The following SINHCAF variants were observed in gnomAD, a reference collection of about 807,000 sequenced individuals.
The protein encoded by SINHCAF is SIN3-HDAC complex-associated factor.
In SINHCAF, 3 loss-of-function variants were observed where a neutral mutation model predicts 25.8. The observed-to-expected ratio is 0.12, with a 90% CI of 0.05 to 0.30. SINHCAF has a LOEUF of 0.30. Ranked by LOEUF, SINHCAF falls within the 10% of genes least tolerant of loss-of-function variation. SINHCAF has a pLI of 1.00. For synonymous variants in SINHCAF, 70 were observed against 85.5 expected (o/e 0.82, Z 1.00); for missense variants, 121 against 262.3 (o/e 0.46, Z 3.72).
chr12:31,295,935 C>G (rs78243750), intron 2 of SINHCAF, among the ~76,000 whole-genome samples: 19 of 151,696 alleles, frequency 1.3e-4, no homozygotes, highest in African/African-American at 4.6e-4. Flanking sequence ...AATCCCAGCA[C>G]ATCGGAAGAC....
chr12:31,307,876 T>TC (rs1299438766), intron 1 of SINHCAF, among the ~76,000 whole-genome samples: 1 of 152,112 alleles, frequency 6.6e-6, no homozygotes, highest in Non-Finnish European at 1.5e-5. Context: ...CCAAATGTGT[T>TC]CCCCCCATCT....
intron 1 of SINHCAF, among the ~76,000 whole-genome samples, chr12:31,309,466 T>A (rs1400474235): frequency 6.6e-6 from 1 of 152,224 alleles, no homozygotes; most frequent in African/African-American, 2.4e-5. Context: ...GCTGAGAGTA[T>A]CTTTCCTATG....
At chr12:31,301,745 T>TA (rs1323480785) in intron 1 of SINHCAF, among the ~76,000 whole-genome samples, 2 of 149,996 alleles carry the variant, frequency 1.3e-5, no homozygotes, top group Admixed American at 6.6e-5. Flanking sequence ...ATGAAATGTT[T>TA]AAAAAAACAA....
chr12:31,325,039 G>A lies in SINHCAF; in HGVS notation c.-21+985C>T, dbSNP rs1249200855. ...GGACCAGGGTCGCAGCCCGAAGCACGTGGTCTGTCACGTAGAGCACAAAAA... is the reference window on the plus strand; with the variant it reads ...GGACCAGGGTCGCAGCCCGAAGCACATGGTCTGTCACGTAGAGCACAAAAA... On this transcript the variant is annotated intron_variant, in intron 1 of 5. Coordinates refer to ENST00000337682, the MANE Select transcript of SINHCAF (RefSeq NM_001135812.2). This position sits in a 1 kb window ranked among gnomAD's most constrained non-coding sequence, Gnocchi z 5.9. 6.6e-6 allele frequency: 3 copies of A among 456,702 alleles called. No homozygotes were observed. The highest frequency in any genetic ancestry group is 2.0e-5 in the African/African-American group (1 of 50,098). 28.3% of individuals were successfully genotyped at this position (456,702 alleles called of 1,614,324 possible).
intron 1 of SINHCAF, among the ~76,000 whole-genome samples, chr12:31,322,943 G>T (rs1939756219): frequency 6.6e-6 from 1 of 152,146 alleles, no homozygotes; most frequent in Non-Finnish European, 1.5e-5. Flanking sequence ...TACAAAAAAA[G>T]AAAAGGTTAG....
intron 5 of SINHCAF, among the ~76,000 whole-genome samples, chr12:31,284,553 A>G (rs1367701324): frequency 6.6e-6 from 1 of 152,172 alleles, no homozygotes; most frequent in African/African-American, 2.4e-5. Context: ...TCATAAAAAA[A>G]TCCTTTCCCA....
At position 31,325,408 on chromosome 12, in the gene SINHCAF, C is replaced by G; in HGVS notation, c.-21+616G>C. 2.8e-6 allele frequency: 1 copy of G among 357,936 alleles called. No individual in the cohort carries two copies. The highest frequency in any genetic ancestry group is 5.6e-6 in the Non-Finnish European group (1 of 179,650). 22.2% of individuals were successfully genotyped at this position (357,936 alleles called of 1,614,324 possible). A position where few individuals can be genotyped will look rare whatever the true frequency, so the allele number is the denominator to read the frequency against. Reference sequence around the variant, plus strand: ...CCACGCCGCGTGCGCTCCGGCAGAGCCCAGCACTGACCCCCAAAGGCCGAT... The same window carrying G: ...CCACGCCGCGTGCGCTCCGGCAGAGGCCAGCACTGACCCCCAAAGGCCGAT... On this transcript the variant is annotated intron_variant, in intron 1 of 5. Coordinates refer to ENST00000337682, the MANE Select transcript of SINHCAF (RefSeq NM_001135812.2). This position sits in a 1 kb window ranked among gnomAD's most constrained non-coding sequence, Gnocchi z 5.9.
chr12:31,298,458 C>T (rs1328181555), intron 1 of SINHCAF: 3 of 441,292 alleles, frequency 6.8e-6, no homozygotes, highest in Non-Finnish European at 1.2e-5. Flanking sequence ...TACCTCCTAA[C>T]TCGCCTAACA....
At chr12:31,315,908 A>G (rs4931480) in intron 1 of SINHCAF, among the ~76,000 whole-genome samples, 34,396 of 152,136 alleles carry the variant, frequency 0.23, 4,031 homozygotes, top group East Asian at 0.27. Context: ...GCTCAAGCCT[A>G]TAATCCCAGC....
At chr12:31,304,866 T>G (rs140882510) in intron 1 of SINHCAF, 9 of 152,354 alleles carry the variant, frequency 5.9e-5, no homozygotes, top group African/African-American at 2.2e-4. Context: ...GTGGCCATCA[T>G]GTGTACAGAA....
At chr12:31,284,618 T>C (rs1937956260) in intron 5 of SINHCAF, among the ~76,000 whole-genome samples, 1 of 152,212 alleles carries the variant, frequency 6.6e-6, no homozygotes, top group African/African-American at 2.4e-5. Flanking sequence ...GGTGTTTGTC[T>C]ATGGTGTGAG....
chr12:31,315,942 G>A (rs1939478910), intron 1 of SINHCAF, among the ~76,000 whole-genome samples: 2 of 152,140 alleles, frequency 1.3e-5, no homozygotes, highest in South Asian at 4.1e-4. Flanking sequence ...AAGGTGGGTG[G>A]ATCACCTGAG....
rs1592999009 is a variant in SINHCAF at position 31,324,719 on chromosome 12, G to A, written c.-21+1305C>T. The A allele has an allele frequency of 5.8e-6, 2 of 347,176 alleles. No homozygotes were observed. Among genetic ancestry groups the A allele is most frequent in the East Asian group, 1.6e-4 (2 of 12,738 alleles). 21.5% of individuals were successfully genotyped at this position (347,176 alleles called of 1,614,324 possible). On this transcript the variant is annotated intron_variant, in intron 1 of 5. Transcript: ENST00000337682. The surrounding 1 kb of genome is among the most constrained non-coding windows in gnomAD (Gnocchi z 5.5). ...AGGGATGTCGGAGCGTTTCGCAGGGGCCGGACACTGGACGATCACCCTGGG... is the reference window on the plus strand; with the variant it reads ...AGGGATGTCGGAGCGTTTCGCAGGGACCGGACACTGGACGATCACCCTGGG...
chr12:31,300,808 C>T (rs553552056), intron 1 of SINHCAF, among the ~76,000 whole-genome samples: 1 of 152,210 alleles, frequency 6.6e-6, no homozygotes, highest in Non-Finnish European at 1.5e-5. Flanking sequence ...CGCCCAACAG[C>T]TTGCATTACC....
chr12:31,317,909 A>T (rs2137133643), intron 1 of SINHCAF, among the ~76,000 whole-genome samples: 1 of 152,322 alleles, frequency 6.6e-6, no homozygotes, highest in East Asian at 1.9e-4. Context: ...GCAACCAAAG[A>T]CAACTTTGAA....
At chr12:31,317,613 CT>C (rs34113007) in intron 1 of SINHCAF, among the ~76,000 whole-genome samples, 487 of 143,644 alleles carry the variant, frequency 3.4e-3, no homozygotes, top group Middle Eastern at 3.6e-3. Flanking sequence ...CTACCTCCTG[CT>C]TTTTTTTTTT....
chr12:31,285,998 A>G (rs1308721325), intron 5 of SINHCAF, among the ~76,000 whole-genome samples: 1 of 151,980 alleles, frequency 6.6e-6, no homozygotes, highest in Non-Finnish European at 1.5e-5. Flanking sequence ...AAAAGATTAA[A>G]TAAATGCAAA....
At chr12:31,285,405 T>TTA (rs908231315) in intron 5 of SINHCAF, among the ~76,000 whole-genome samples, 1 of 75,804 alleles carries the variant, frequency 1.3e-5, no homozygotes, top group Non-Finnish European at 2.7e-5. Flanking sequence ...AGACATATAT[T>TTA]TATATATATA....
At chr12:31,284,697 T>C (rs1937960875) in intron 5 of SINHCAF, among the ~76,000 whole-genome samples, 1 of 152,222 alleles carries the variant, frequency 6.6e-6, no homozygotes, top group Non-Finnish European at 1.5e-5. Context: ...GCAACACTTA[T>C]TGAACAGACC....
Sources: allele counts gnomAD v4.1 joint callset (sites outside exome capture counted in the v4.1 genomes callset), GRCh38; gene constraint gnomAD v4.1.1; non-coding constraint Gnocchi (gnomAD v3.1); transcripts MANE v1.5; gene names NCBI Gene and HGNC (gene_info 2026-07-23, HGNC 2026-07-21).